Variants in CSMD1 observed in about 807,000 individuals in gnomAD.
CSMD1 encodes the protein CUB and sushi domain-containing protein 1.
Under a neutral mutation model 417.5 loss-of-function variants are expected in CSMD1, and 213 were observed. The ratio of observed to expected loss-of-function variants is 0.51; its 90% CI spans 0.46 to 0.57. The LOEUF is 0.57. CSMD1 is among the 20% of genes least tolerant of loss of function. The pLI is 0.00. For missense variants in CSMD1, 6,923 were observed against 4,529.7 expected (o/e 1.53, Z -15.17); for synonymous variants, 2,862 against 1,736.8 (o/e 1.65, Z -16.11).
At chr8:4,978,654 T>G (rs1334498412) in intron 1 of CSMD1, among the ~76,000 whole-genome samples, 1 of 152,152 alleles carries the variant, frequency 6.6e-6, no homozygotes, top group African/African-American at 2.4e-5. Context: ...GAAAAATATA[T>G]GGGCCAGACA....
chr8:4,191,819 G>A (rs1010234183), intron 3 of CSMD1, among the ~76,000 whole-genome samples: 5 of 150,358 alleles, frequency 3.3e-5, no homozygotes, highest in Admixed American at 3.3e-4. Context: ...CCTATCGAAT[G>A]ATTTACAATA....
intron 49 of CSMD1, among the ~76,000 whole-genome samples, chr8:3,070,859 T>A (rs1289976420): frequency 6.6e-6 from 1 of 152,216 alleles, no homozygotes; most frequent in Non-Finnish European, 1.5e-5. Context: ...ATTAGGCAAT[T>A]CTTACATTGC....
At chr8:4,578,332 A>ATTTTTCTTTTTTTTTTTTTT (rs1799238990) in intron 2 of CSMD1, among the ~76,000 whole-genome samples, 3 of 48,776 alleles carry the variant, frequency 6.2e-5, no homozygotes, top group Admixed American at 3.6e-4. Flanking sequence ...CACCCGGCTC[A>ATTTTTCTTTTTTTTTTTTTT]TTTTTTTTTT....
At chr8:2,958,390 C>T (rs1000404107) in intron 62 of CSMD1, among the ~76,000 whole-genome samples, 1 of 152,212 alleles carries the variant, frequency 6.6e-6, no homozygotes, top group Admixed American at 6.5e-5. Flanking sequence ...CTCTGATCCT[C>T]CAAGAATGAA....
chr8:4,516,765 A>C (rs1292888417), intron 2 of CSMD1, among the ~76,000 whole-genome samples: 2 of 152,144 alleles, frequency 1.3e-5, no homozygotes, highest in Admixed American at 1.3e-4. Flanking sequence ...TTGCATTTGG[A>C]TCAACTCATG....
chr8:3,616,568 G>T (rs2469319), intron 8 of CSMD1, 142 bp downstream of exon 8: 415,238 of 602,514 alleles, frequency 0.69, 144,649 homozygotes, highest in Middle Eastern at 0.79. Context: ...AAGACAAATT[G>T]TGATTACACA....
chr8:4,222,966 G>C (rs1801129122), intron 3 of CSMD1, among the ~76,000 whole-genome samples: 1 of 151,964 alleles, frequency 6.6e-6, no homozygotes, highest in African/African-American at 2.4e-5. Flanking sequence ...AAAATAATTT[G>C]GGCTTTGAGA....
At chr8:4,294,077 G>C (rs536570008) in intron 3 of CSMD1, among the ~76,000 whole-genome samples, 1 of 152,162 alleles carries the variant, frequency 6.6e-6, no homozygotes, top group East Asian at 1.9e-4. Context: ...GAAATACTGC[G>C]AAGTTGAAGT....
rs1265493075 is a variant in CSMD1 at position 4,444,323 on chromosome 8, G to C, written c.303-24258C>G. 8.1e-5 allele frequency among the ~76,000 whole-genome samples: 10 copies of C among 123,806 alleles called. No homozygotes were observed. In the East Asian group the frequency reaches 2.1e-3, roughly 26 times the overall value. 81.2% of individuals were successfully genotyped at this position (123,806 alleles called of 152,430 possible). On this transcript the variant is annotated intron_variant, in intron 2 of 69. Transcript: ENST00000635120. The stretch of plus-strand genomic sequence containing the variant: ...GATCTCGCGACTTCACTCAAGCCTG[G>C]GCTACAGAGTGAGACTCCATCTCAA...
intron 6 of CSMD1, among the ~76,000 whole-genome samples, chr8:3,752,656 G>T: frequency 8.5e-6 from 1 of 117,630 alleles, no homozygotes; most frequent in Non-Finnish European, 1.6e-5. Context: ...TCTGTCCACT[G>T]CCACCCACTC....
At chr8:3,924,251 G>C (rs530361082) in intron 5 of CSMD1, among the ~76,000 whole-genome samples, 3 of 152,156 alleles carry the variant, frequency 2.0e-5, no homozygotes, top group Non-Finnish European at 4.4e-5. Flanking sequence ...TGATGTTCTT[G>C]TAGGGATACC....
chr8:3,783,654 G>C (rs1340131917), intron 5 of CSMD1, among the ~76,000 whole-genome samples: 1 of 152,224 alleles, frequency 6.6e-6, no homozygotes, highest in Non-Finnish European at 1.5e-5. Flanking sequence ...CATAAAACAT[G>C]GTTGAAGCAC....
At chr8:3,587,286 T>C (rs2117005726) in intron 8 of CSMD1, among the ~76,000 whole-genome samples, 1 of 152,356 alleles carries the variant, frequency 6.6e-6, no homozygotes, top group Non-Finnish European at 1.5e-5. Flanking sequence ...CACCACCCAG[T>C]TACTTCTTCT....
At chr8:3,981,608 T>G in intron 5 of CSMD1, among the ~76,000 whole-genome samples, 1 of 151,916 alleles carries the variant, frequency 6.6e-6, no homozygotes, top group East Asian at 1.9e-4. Context: ...ATTGTATCAA[T>G]TAGAGCAGTA....
intron 6 of CSMD1, among the ~76,000 whole-genome samples, chr8:3,736,740 C>T (rs989560172): frequency 1.4e-4 from 22 of 152,190 alleles, no homozygotes; most frequent in Non-Finnish European, 3.1e-4. Flanking sequence ...TTCAAATTCA[C>T]CTTTACCAAT....
intron 5 of CSMD1, among the ~76,000 whole-genome samples, chr8:3,882,525 A>G (rs1806275578): frequency 6.6e-6 from 1 of 152,182 alleles, no homozygotes; most frequent in Admixed American, 6.5e-5. Context: ...GCACATGCAT[A>G]CACTGTGAGT....
At chr8:3,432,722 G>A (rs1344534445) in intron 12 of CSMD1, among the ~76,000 whole-genome samples, 6 of 152,046 alleles carry the variant, frequency 3.9e-5, no homozygotes, top group South Asian at 2.1e-4. Context: ...CACCATGTTG[G>A]CCAGGATGGT....
At chr8:3,980,421 A>C (rs1037840469) in intron 5 of CSMD1, among the ~76,000 whole-genome samples, 1 of 152,054 alleles carries the variant, frequency 6.6e-6, no homozygotes, top group African/African-American at 2.4e-5. Context: ...TCCCACTTCT[A>C]TGGTCAGGGA....
In CSMD1 at chr8:4,328,293, T is replaced by A. The variant is rs142547117; in HGVS notation, c.415+91660A>T. ...GAGGAATTCTCTTCTTAACTGTGAA[T>A]TACCACTTCCCCACGACTCAGTTAA... is the stretch of plus-strand genomic sequence containing the variant. On this transcript the variant is annotated intron_variant, in intron 3 of 69. Coordinates refer to ENST00000635120, the MANE Select transcript of CSMD1 (RefSeq NM_033225.6). Among the ~76,000 whole-genome samples the A allele has an allele frequency of 4.9e-3, 733 of 149,532 alleles. 4 individuals carry two copies. The highest frequency in any genetic ancestry group is 0.016 in the African/African-American group (666 of 40,672).
Sources: allele counts gnomAD v4.1 joint callset (sites outside exome capture counted in the v4.1 genomes callset), GRCh38; gene constraint gnomAD v4.1.1; transcripts MANE v1.5; gene names NCBI Gene and HGNC (gene_info 2026-07-23, HGNC 2026-07-21).